GUCY1A2: variants seen among roughly 807,000 people sequenced by gnomAD.
GUCY1A2 encodes guanylate cyclase 1 soluble subunit alpha 2, also known as guanylate cyclase soluble subunit alpha-2.
A neutral mutation model predicts 63.5 loss-of-function variants in GUCY1A2; 27 were observed. That is an observed-to-expected ratio of 0.43 (90% CI 0.31 to 0.59). The LOEUF is 0.59. Ranked by LOEUF, GUCY1A2 falls within the 20% of genes least tolerant of loss-of-function variation. The probability of loss-of-function intolerance (pLI) is 0.11; values close to 1 mark genes in which losing one functional copy is unlikely to be tolerated. For synonymous variants in GUCY1A2, 364 were observed against 343.5 expected (o/e 1.06, Z -0.66); for missense variants, 768 against 913.3 (o/e 0.84, Z 2.05).
intron 1 of GUCY1A2, among the ~76,000 whole-genome samples, chr11:107,000,014 A>G (rs1202180216): frequency 6.6e-6 from 1 of 152,210 alleles, no homozygotes; most frequent in Admixed American, 6.5e-5. Context: ...TTAGAAAATC[A>G]GTAGGCAGCA....
At chr11:106,732,367 T>A (rs1016846405) in intron 6 of GUCY1A2, among the ~76,000 whole-genome samples, 1 of 152,150 alleles carries the variant, frequency 6.6e-6, no homozygotes, top group Admixed American at 6.6e-5. Context: ...AAAAATTAAC[T>A]AAAGATGGAT....
chr11:106,900,888 G>T (rs903486280), intron 4 of GUCY1A2, among the ~76,000 whole-genome samples: 4 of 152,204 alleles, frequency 2.6e-5, no homozygotes, highest in African/African-American at 9.7e-5. Flanking sequence ...TCCTTCTGCT[G>T]GTGTAGGTTT....
rs2135409269 is a variant in GUCY1A2, at chr11:106,786,419, G to A, written c.1693-9837C>T. Among the ~76,000 whole-genome samples, 2 of 152,210 alleles carry A rather than the reference G, an allele frequency of 1.3e-5. 1 individual carries two copies. The highest frequency in any genetic ancestry group is 4.8e-5 in the African/African-American group (2 of 41,526). Reference sequence around the variant, plus strand: ...ATAAATAGAACAGTGATTTGGCCTGGGAACTACTCCCAAATGAAGGAAAAT... The same window carrying A: ...ATAAATAGAACAGTGATTTGGCCTGAGAACTACTCCCAAATGAAGGAAAAT... On this transcript the variant is annotated intron_variant, in intron 5 of 7. Coordinates refer to ENST00000526355, the MANE Select transcript of GUCY1A2 (RefSeq NM_000855.3).
chr11:106,997,617 A>ACCCCCCCCCCC (rs377457144), intron 1 of GUCY1A2, among the ~76,000 whole-genome samples: 3 of 119,826 alleles, frequency 2.5e-5, no homozygotes, highest in African/African-American at 3.2e-5. Context: ...AAGATAGGGA[A>ACCCCCCCCCCC]CCCCCCCCCC....
chr11:106,817,662 A>C (rs11211930), intron 4 of GUCY1A2, among the ~76,000 whole-genome samples: 30,203 of 152,086 alleles, frequency 0.2, 3,448 homozygotes, highest in East Asian at 0.28. Flanking sequence ...AGAAGAAAAC[A>C]ACCAAATTAA....
chr11:106,936,566 G>T, intron 4 of GUCY1A2: 2 of 700,816 alleles, frequency 2.9e-6, no homozygotes, highest in Non-Finnish European at 4.9e-6. Flanking sequence ...GTGAGGCATG[G>T]ATGATCACTT....
chr11:106,848,778 G>A (rs1859312926), intron 4 of GUCY1A2, among the ~76,000 whole-genome samples: 1 of 151,654 alleles, frequency 6.6e-6, no homozygotes. Flanking sequence ...GACCTCCTAT[G>A]AAAGATGCTT....
At chr11:106,747,911 T>G (rs1336362435) in intron 6 of GUCY1A2, among the ~76,000 whole-genome samples, 2 of 152,188 alleles carry the variant, frequency 1.3e-5, no homozygotes, top group Non-Finnish European at 2.9e-5. Flanking sequence ...CTCTTTAAAC[T>G]GTACTCTGTT....
intron 4 of GUCY1A2, among the ~76,000 whole-genome samples, chr11:106,871,622 T>C (rs939484369): frequency 3.3e-5 from 5 of 152,162 alleles, no homozygotes; most frequent in African/African-American, 1.2e-4. Flanking sequence ...TGACCTCACC[T>C]TAAGGTCATT....
intron 1 of GUCY1A2, among the ~76,000 whole-genome samples, chr11:107,001,761 G>A (rs1861615535): frequency 6.6e-6 from 1 of 152,072 alleles, no homozygotes; most frequent in Non-Finnish European, 1.5e-5. Context: ...ACTCTCGCCT[G>A]TAATCCCAGA....
chr11:106,974,627 G>T (rs1202753953), intron 3 of GUCY1A2, among the ~76,000 whole-genome samples: 1 of 152,010 alleles, frequency 6.6e-6, no homozygotes, highest in Non-Finnish European at 1.5e-5. Flanking sequence ...ATATTGTGAG[G>T]AATAAGCCCC....
At chr11:106,782,565 C>T (rs1864483948) in intron 5 of GUCY1A2, among the ~76,000 whole-genome samples, 1 of 152,108 alleles carries the variant, frequency 6.6e-6, no homozygotes, top group Non-Finnish European at 1.5e-5. Flanking sequence ...CTGGGCCACA[C>T]CTGCCAGCCC....
intron 4 of GUCY1A2, among the ~76,000 whole-genome samples, chr11:106,891,149 G>A (rs187464954): frequency 7.2e-5 from 11 of 152,196 alleles, no homozygotes; most frequent in African/African-American, 2.6e-4. Context: ...AGTATTGTCA[G>A]TCTTTCCAAT....
intron 4 of GUCY1A2, chr11:106,824,707 G>A: frequency 8.6e-7 from 1 of 1,164,784 alleles, no homozygotes; most frequent in Non-Finnish European, 1.2e-6. Context: ...AAAGCCAACT[G>A]ATACAGAAAG....
chr11:106,793,348 C>T (rs1864696398), intron 5 of GUCY1A2, among the ~76,000 whole-genome samples: 1 of 151,976 alleles, frequency 6.6e-6, no homozygotes, highest in Admixed American at 6.6e-5. Context: ...GAAAAATCAA[C>T]TCAAAATGGA....
rs1862451104 is a variant in GUCY1A2 at position 106,682,645 on chromosome 11, C to T, written c.*4904G>A. 4.7e-6 allele frequency: 1 copy of T among 211,164 alleles called. No homozygotes were observed. Among genetic ancestry groups the T allele is most frequent in the South Asian group, 1.9e-4 (1 of 5,350 alleles). The allele number at this position is 211,164 out of a possible 1,614,324, so 13.1% of individuals were successfully genotyped here. On this transcript the variant is annotated 3_prime_UTR_variant, in exon 8 of 8. Transcript: ENST00000526355. Reference sequence around the variant, plus strand: ...ACTTCTCTGCATTCCCAAGTCCTTCCAAAGAAACTTACTTCTTTCAATCAT... The same window carrying T: ...ACTTCTCTGCATTCCCAAGTCCTTCTAAAGAAACTTACTTCTTTCAATCAT...
chr11:106,709,537 T>C (rs1417465524), intron 6 of GUCY1A2, among the ~76,000 whole-genome samples: 2 of 67,166 alleles, frequency 3.0e-5, no homozygotes, highest in African/African-American at 1.7e-4. Flanking sequence ...AATAATATAA[T>C]ATATTATATT....
At chr11:106,922,986 A>G (rs1413543436) in intron 4 of GUCY1A2, among the ~76,000 whole-genome samples, 1 of 152,094 alleles carries the variant, frequency 6.6e-6, no homozygotes, top group South Asian at 2.1e-4. Flanking sequence ...CTAGAAAATG[A>G]AAAGGAAATA....
intron 4 of GUCY1A2, chr11:106,824,882 G>A: frequency 6.2e-7 from 1 of 1,612,308 alleles, no homozygotes. Flanking sequence ...ACTTCCAGAA[G>A]AAGGCTGCAA....
Sources: gnomAD v4.1 joint callset for allele counts (sites outside exome capture counted in the v4.1 genomes callset) on GRCh38, gnomAD v4.1.1 for gene constraint, MANE v1.5 for transcripts, NCBI Gene and HGNC (gene_info 2026-07-23, HGNC 2026-07-21) for gene names.